The following CISD2 variants were observed in gnomAD, a reference collection of about 807,000 sequenced individuals.
CISD2 encodes the protein CDGSH iron sulfur domain 2.
A neutral mutation model predicts 12.9 loss-of-function variants in CISD2; 1 was observed. That is an observed-to-expected ratio of 0.08 (90% CI 0.03 to 0.37). CISD2 has a LOEUF of 0.37. CISD2 is among the 10% of genes least tolerant of loss of function. CISD2 has a pLI of 0.99. For missense variants in CISD2, 97 were observed against 163.1 expected (o/e 0.59, Z 2.21); for synonymous variants, 50 against 60.6 (o/e 0.83, Z 0.81).
intron 1 of CISD2, among the ~76,000 whole-genome samples, chr4:102,873,492 C>G (rs1733515117): frequency 6.6e-6 from 1 of 151,990 alleles, no homozygotes; most frequent in Admixed American, 6.5e-5. Flanking sequence ...CCAGGCTGGT[C>G]TTGAGCTCCT....
At chr4:102,876,490 C>G (rs1452456299) in intron 1 of CISD2, among the ~76,000 whole-genome samples, 1 of 152,204 alleles carries the variant, frequency 6.6e-6, no homozygotes, top group Non-Finnish European at 1.5e-5. Flanking sequence ...TGGCTCATGC[C>G]TGTAATCCCA....
At chr4:102,877,469 A>G (rs1199650988) in intron 1 of CISD2, among the ~76,000 whole-genome samples, 2 of 152,218 alleles carry the variant, frequency 1.3e-5, no homozygotes, top group East Asian at 1.9e-4. Context: ...GTAGGCTCCC[A>G]TGGCCTTGGG....
chr4:102,869,685 A>C (rs1733375319), intron 1 of CISD2, among the ~76,000 whole-genome samples: 1 of 152,126 alleles, frequency 6.6e-6, no homozygotes, highest in Admixed American at 6.6e-5. Context: ...TTAGTAACGA[A>C]ATTAGGAGAT....
At chr4:102,871,461 A>G (rs913737622) in intron 1 of CISD2, among the ~76,000 whole-genome samples, 13 of 152,196 alleles carry the variant, frequency 8.5e-5, no homozygotes, top group African/African-American at 2.9e-4. Context: ...CAGTGTGGCT[A>G]TAGTTAATAG....
chr4:102,871,237 T>G (rs552749085), intron 1 of CISD2, among the ~76,000 whole-genome samples: 1 of 152,326 alleles, frequency 6.6e-6, no homozygotes, highest in East Asian at 1.9e-4. Flanking sequence ...ATTTTAGAAG[T>G]ATGCTTTCTT....
rs866399747 is a variant in CISD2, at chr4:102,885,276, C to T, written c.164C>T (p.Ala55Val). ...LGVLALLGYLAVRPFLPKKKQ... is the reference protein window; with the variant it reads ...LGVLALLGYLVVRPFLPKKKQ... Reference sequence around the variant, plus strand: ...GTACTCGCACTTCTTGGCTACCTTGCAGTTCGTCCATTCCTCCCGAAGAAG... The same window carrying T: ...GTACTCGCACTTCTTGGCTACCTTGTAGTTCGTCCATTCCTCCCGAAGAAG... Residue 55 changes from alanine (A) to valine (V), a missense_variant, in exon 2 of 3, where the codon GCA (alanine) becomes GTA (valine). Ala to Val is a moderately conservative substitution (Grantham distance 64). This residue lies in a region of CISD2 where 89 missense variants were observed against 114.4 expected (regional missense o/e 0.78). Coordinates refer to ENST00000273986, the MANE Select transcript of CISD2 (RefSeq NM_001008388.5). The T allele has an allele frequency of 1.9e-6, 3 of 1,614,012 alleles. No homozygotes were observed. Among genetic ancestry groups the T allele is most frequent in the African/African-American group, 1.3e-5 (1 of 74,930 alleles).
At chr4:102,885,552 G>A (rs1008950028) in intron 2 of CISD2, 122 bp downstream of exon 2, 5 of 771,582 alleles carry the variant, frequency 6.5e-6, no homozygotes, top group Non-Finnish European at 1.1e-5. Context: ...GGTATTGAAA[G>A]ACCATATTCC....
chr4:102,871,474 C>T (rs1160853546), intron 1 of CISD2, among the ~76,000 whole-genome samples: 1 of 152,074 alleles, frequency 6.6e-6, no homozygotes, highest in Non-Finnish European at 1.5e-5. Flanking sequence ...GTTAATAGTT[C>T]TCATTTTATT....
intron 2 of CISD2, among the ~76,000 whole-genome samples, chr4:102,886,013 A>G (rs569678595): frequency 4.6e-5 from 7 of 152,170 alleles, no homozygotes; most frequent in Non-Finnish European, 1.0e-4. Context: ...TTGATCATAG[A>G]TTATTTGAGG....
rs990998882 is a variant in CISD2 at position 102,889,838 on chromosome 4, T to C, written c.*2408T>C. ...TGTCCATCTTTAAAAAATAGACATC[T>C]AATAACCAAATGTATTTGAATTGAT... On this transcript the variant is annotated 3_prime_UTR_variant, in exon 3 of 3. Transcript: ENST00000273986. 6.6e-6 allele frequency: 1 copy of C among 152,180 alleles called. No homozygotes were observed. Among genetic ancestry groups the C allele is most frequent in the Non-Finnish European group, 1.5e-5 (1 of 68,022 alleles). The allele number at this position is 152,180 out of a possible 1,614,324, so 9.4% of individuals were successfully genotyped here.
chr4:102,884,985 C>A, intron 1 of CISD2: 1 of 491,252 alleles, frequency 2.0e-6, no homozygotes, highest in Non-Finnish European at 3.7e-6. Flanking sequence ...GAAATGGAAC[C>A]TATTTCTGAA....
At chr4:102,874,142 T>A (rs1264923947) in intron 1 of CISD2, among the ~76,000 whole-genome samples, 6 of 141,204 alleles carry the variant, frequency 4.2e-5, no homozygotes, top group Admixed American at 1.4e-4. Flanking sequence ...AAAAAAAAAA[T>A]TGGCAAAACA....
intron 1 of CISD2, among the ~76,000 whole-genome samples, chr4:102,882,311 C>T (rs1346751010): frequency 6.6e-6 from 1 of 152,182 alleles, no homozygotes; most frequent in African/African-American, 2.4e-5. Flanking sequence ...TGTTATTCTA[C>T]ATTGAACAAA....
At chr4:102,884,552 A>T (rs1183396614) in intron 1 of CISD2, among the ~76,000 whole-genome samples, 1 of 152,144 alleles carries the variant, frequency 6.6e-6, no homozygotes, top group Non-Finnish European at 1.5e-5. Context: ...ATGCATAGGG[A>T]CTGTTTCATT....
At position 102,885,375 on chromosome 4, in the gene CISD2, T is replaced by C. The variant is rs752222512; in HGVS notation, c.263T>C (p.Ile88Thr). The C allele has an allele frequency of 1.9e-6, 3 of 1,614,128 alleles. No homozygotes were observed. The highest frequency in any genetic ancestry group is 1.6e-4 in the Middle Eastern group (1 of 6,062). The change falls in exon 2 of 3, where the codon ATT becomes ACT. Residue 88 changes from isoleucine (I) to threonine (T), a missense_variant. Ile to Thr is a moderately conservative substitution (Grantham distance 89). Coordinates refer to ENST00000273986, the MANE Select transcript of CISD2 (RefSeq NM_001008388.5). Reference sequence around the variant, plus strand: ...CCGAAAGTAGTGAATGAAATAAACATTGAAGATTTGTGTCTTACTAAAGCA... The same window carrying C: ...CCGAAAGTAGTGAATGAAATAAACACTGAAGATTTGTGTCTTACTAAAGCA... ...ENPKVVNEIN[I>T]EDLCLTKAAY... is the part of the protein sequence containing the mutation.
intron 1 of CISD2, among the ~76,000 whole-genome samples, chr4:102,880,480 G>A (rs749940764): frequency 5.3e-5 from 8 of 151,798 alleles, no homozygotes; most frequent in African/African-American, 1.5e-4. Flanking sequence ...ATAATCCTAA[G>A]ACAAAAATAA....
intron 2 of CISD2, among the ~76,000 whole-genome samples, chr4:102,886,787 T>A (rs1733946960): frequency 6.6e-6 from 1 of 152,002 alleles, no homozygotes; most frequent in African/African-American, 2.4e-5. Flanking sequence ...CTAACTTTTG[T>A]ATTTTTAGTT....
chr4:102,880,783 A>G (rs1261203143), intron 1 of CISD2, among the ~76,000 whole-genome samples: 2 of 152,132 alleles, frequency 1.3e-5, no homozygotes, highest in Non-Finnish European at 2.9e-5. Flanking sequence ...ACCTGAGGTC[A>G]GGAGCTTGAG....
At chr4:102,870,171 A>G (rs1335125149) in intron 1 of CISD2, among the ~76,000 whole-genome samples, 1 of 152,254 alleles carries the variant, frequency 6.6e-6, no homozygotes, top group Non-Finnish European at 1.5e-5. Context: ...GATCTGTAGT[A>G]CCTGACCTAA....
Sources: gnomAD v4.1 joint callset for allele counts (sites outside exome capture counted in the v4.1 genomes callset) on GRCh38, gnomAD v4.1.1 for gene constraint, gnomAD v4.1.1 regional missense constraint, MANE v1.5 for transcripts, NCBI Gene and HGNC (gene_info 2026-07-23, HGNC 2026-07-21) for gene names.